The following TMX4 variants were observed in gnomAD, a reference collection of about 807,000 sequenced individuals.
TMX4 encodes thioredoxin related transmembrane protein 4, also known as thioredoxin-related transmembrane protein 4.
Under a neutral mutation model 33.3 loss-of-function variants are expected in TMX4, and 23 were observed. The observed-to-expected ratio is 0.69, with a 90% CI of 0.50 to 0.98. The LOEUF (loss-of-function observed/expected upper bound fraction) is 0.98, where lower values mean the gene tolerates loss of function less well. Ranked by LOEUF, TMX4 falls within the 50% of genes least tolerant of loss-of-function variation. TMX4 has a pLI of 0.00. For synonymous variants in TMX4, 164 were observed against 161.5 expected, an observed-to-expected ratio of 1.02 and a Z score of -0.12; for missense variants, 399 against 448.9, an observed-to-expected ratio of 0.89 and a Z score of 1.01.
intron 5 of TMX4, among the ~76,000 whole-genome samples, chr20:7,994,301 C>T (rs2050667168): frequency 6.6e-6 from 1 of 152,154 alleles, no homozygotes; most frequent in Non-Finnish European, 1.5e-5. Flanking sequence ...GGATCACATT[C>T]TGTTCTCCAA....
At chr20:8,018,517 A>T (rs1568541321) in intron 1 of TMX4, among the ~76,000 whole-genome samples, 708 of 43,424 alleles carry the variant, frequency 0.016, 106 homozygotes, top group African/African-American at 0.065. Flanking sequence ...AGAGAGAGAG[A>T]GAGAGAGAGA....
intron 6 of TMX4, 126 bp downstream of exon 6, chr20:7,987,162 C>T (rs2050634292): frequency 1.5e-6 from 1 of 662,436 alleles, no homozygotes; most frequent in Non-Finnish European, 2.6e-6. Context: ...CAAGCAAATG[C>T]TATTTAACTA....
At chr20:8,016,348 G>A (rs1568540347) in intron 1 of TMX4, among the ~76,000 whole-genome samples, 2 of 151,954 alleles carry the variant, frequency 1.3e-5, no homozygotes, top group African/African-American at 2.4e-5. Flanking sequence ...CTCCAGCCTG[G>A]GCGACAAAGT....
Position 7,984,853 on chromosome 20 carries a change from CA to C in TMX4, c.616-997del, listed in dbSNP as rs60707879. 1.7e-3 allele frequency among the ~76,000 whole-genome samples: 245 copies of C among 143,698 alleles called. 1 individual carries two copies. The highest frequency in any genetic ancestry group is 2.1e-3 in the Non-Finnish European group (134 of 65,132). 94.3% of individuals were successfully genotyped at this position (143,698 alleles called of 152,430 possible). ...AATTTTGACTCAGTTGGTGAGATTA[CA>C]AAAAAAAAAAATTTGGATCCTAGCT... On this transcript the variant is annotated intron_variant, in intron 6 of 7. Transcript: ENST00000246024.
intron 5 of TMX4, among the ~76,000 whole-genome samples, chr20:7,994,700 T>A (rs2050668536): frequency 6.6e-6 from 1 of 152,210 alleles, no homozygotes. Flanking sequence ...CTGACAACCA[T>A]CTACTCCAAT....
At chr20:7,985,944 C>A (rs1209837881) in intron 6 of TMX4, among the ~76,000 whole-genome samples, 1 of 152,194 alleles carries the variant, frequency 6.6e-6, no homozygotes, top group African/African-American at 2.4e-5. Flanking sequence ...AGCATTTTCA[C>A]TAGTCTTCCA....
intron 4 of TMX4, among the ~76,000 whole-genome samples, chr20:7,999,081 A>G (rs193254113): frequency 6.6e-6 from 1 of 152,318 alleles, no homozygotes; most frequent in African/African-American, 2.4e-5. Context: ...ATGCCACTAG[A>G]TGATTTACTC....
At chr20:8,000,323 GC>G (rs2050699725) in intron 3 of TMX4, among the ~76,000 whole-genome samples, 1 of 151,930 alleles carries the variant, frequency 6.6e-6, no homozygotes, top group African/African-American at 2.4e-5. Flanking sequence ...AGCAATCAGG[GC>G]CCCCAGGGAA....
At chr20:8,015,140 T>C (rs2050768889) in intron 1 of TMX4, among the ~76,000 whole-genome samples, 1 of 152,156 alleles carries the variant, frequency 6.6e-6, no homozygotes, top group African/African-American at 2.4e-5. Context: ...GTGATTGTGA[T>C]GATGAGGAAG....
chr20:8,010,162 G>C (rs369763566), intron 2 of TMX4, 38 bp downstream of exon 2: 2 of 1,518,178 alleles, frequency 1.3e-6, no homozygotes, highest in South Asian at 1.2e-5. Flanking sequence ...ATAAAAAGTC[G>C]GTAAACTTTT....
At chr20:8,014,263 C>T (rs1237130597) in intron 1 of TMX4, among the ~76,000 whole-genome samples, 3 of 152,176 alleles carry the variant, frequency 2.0e-5, no homozygotes, top group South Asian at 4.1e-4. Context: ...GCATGACTTG[C>T]ACCACAGAAC....
chr20:7,989,864 C>T (rs1005202377), intron 5 of TMX4, among the ~76,000 whole-genome samples: 1 of 152,170 alleles, frequency 6.6e-6, no homozygotes, highest in Non-Finnish European at 1.5e-5. Flanking sequence ...ACAGTTTTCA[C>T]TTGTGGAAAA....
At chr20:7,999,913 C>T in intron 3 of TMX4, 53 bp from the exon 4 acceptor site, 1 of 1,562,730 alleles carries the variant, frequency 6.4e-7, no homozygotes, top group East Asian at 2.3e-5. Context: ...AACGATGTTA[C>T]AGATAATAAA....
chr20:8,018,520 G>GC, intron 1 of TMX4, among the ~76,000 whole-genome samples: 1 of 48,584 alleles, frequency 2.1e-5, no homozygotes, highest in Non-Finnish European at 3.2e-5. Flanking sequence ...GAGAGAGAGA[G>GC]AGAGAGAGTC....
intron 2 of TMX4, among the ~76,000 whole-genome samples, chr20:8,006,071 G>A (rs1165579316): frequency 7.2e-5 from 11 of 152,266 alleles, no homozygotes; most frequent in East Asian, 1.9e-4. Flanking sequence ...AAGAGCACAC[G>A]GTAACACACG....
chr20:7,985,112 ACT>A (rs1024418978), intron 6 of TMX4, among the ~76,000 whole-genome samples: 3 of 152,070 alleles, frequency 2.0e-5, no homozygotes, highest in Admixed American at 6.6e-5. Context: ...AAATTGTGTA[ACT>A]CTCACAAAAC....
chr20:8,015,725 C>T (rs895505427), intron 1 of TMX4, among the ~76,000 whole-genome samples: 3 of 152,184 alleles, frequency 2.0e-5, no homozygotes, highest in Non-Finnish European at 4.4e-5. Context: ...ATGTTCAACA[C>T]ATTCTCTCCA....
At chr20:7,985,574 A>G (rs2050627840) in intron 6 of TMX4, among the ~76,000 whole-genome samples, 1 of 152,128 alleles carries the variant, frequency 6.6e-6, no homozygotes, top group African/African-American at 2.4e-5. Flanking sequence ...TGCCCAGCCT[A>G]AAACAGGTAC....
At chr20:8,006,221 C>G (rs998986755) in intron 2 of TMX4, among the ~76,000 whole-genome samples, 6 of 152,174 alleles carry the variant, frequency 3.9e-5, no homozygotes, top group African/African-American at 7.2e-5. Context: ...AACGCACACC[C>G]TGTGAGGGAA....
Sources: gnomAD v4.1 joint callset for allele counts (sites outside exome capture counted in the v4.1 genomes callset) on GRCh38, gnomAD v4.1.1 for gene constraint, MANE v1.5 for transcripts, NCBI Gene and HGNC (gene_info 2026-07-23, HGNC 2026-07-21) for gene names.